RFX3: variants seen among roughly 807,000 people sequenced by gnomAD.
RFX3 encodes the protein transcription factor RFX3.
Under a neutral mutation model 98.6 loss-of-function variants are expected in RFX3, and 14 were observed. The ratio of observed to expected loss-of-function variants is 0.14; its 90% CI spans 0.09 to 0.22. The LOEUF is 0.22. Ranked by LOEUF, RFX3 falls within the 10% of genes least tolerant of loss-of-function variation. RFX3 has a pLI of 1.00. For synonymous variants in RFX3, 383 were observed against 328.4 expected (o/e 1.17, Z -1.80); for missense variants, 639 against 926.9 (o/e 0.69, Z 4.03).
At chr9:3,461,926 C>T (rs1470008241) in intron 1 of RFX3, among the ~76,000 whole-genome samples, 1 of 151,832 alleles carries the variant, frequency 6.6e-6, no homozygotes, top group Non-Finnish European at 1.5e-5. Flanking sequence ...GGAGAACACA[C>T]CCTTTAATAC....
intron 1 of RFX3, among the ~76,000 whole-genome samples, chr9:3,411,717 T>G (rs1842482742): frequency 6.6e-6 from 1 of 151,600 alleles, no homozygotes; most frequent in African/African-American, 2.4e-5. Context: ...TCTAGAACTC[T>G]GGACCTAAAG....
chr9:3,377,418 G>A (rs1017153591), intron 2 of RFX3, among the ~76,000 whole-genome samples: 1 of 152,068 alleles, frequency 6.6e-6, no homozygotes, highest in Non-Finnish European at 1.5e-5. Flanking sequence ...CACAGGAAGG[G>A]GAACATCACA....
intron 1 of RFX3, among the ~76,000 whole-genome samples, chr9:3,512,979 T>G (rs1172420718): frequency 6.6e-6 from 1 of 152,096 alleles, no homozygotes; most frequent in East Asian, 1.9e-4. Context: ...CCTTAAAAAA[T>G]ATGTCCACAT....
At chr9:3,498,672 G>A (rs1252012805) in intron 1 of RFX3, among the ~76,000 whole-genome samples, 1 of 152,028 alleles carries the variant, frequency 6.6e-6, no homozygotes, top group Non-Finnish European at 1.5e-5. Context: ...AATACCACAA[G>A]TCCTGTGCAC....
Position 3,220,361 on chromosome 9 carries a change from CTT to C in RFX3, c.*4679_*4680del, listed in dbSNP as rs1423977191. ...AAAAAAAAGACAAAAAAAAAAGAAA[CTT>C]AACCCTTTCTTTATACCTTTTAAAG... is the stretch of plus-strand genomic sequence containing the variant. On this transcript the variant is annotated 3_prime_UTR_variant, in exon 17 of 17. Coordinates refer to ENST00000617270, the MANE Select transcript of RFX3 (RefSeq NM_001282116.2). 1 of 151,394 alleles carries C rather than the reference CTT, an allele frequency of 6.6e-6. No individual in the cohort carries two copies. The highest frequency in any genetic ancestry group is 1.5e-5 in the Non-Finnish European group (1 of 67,894). 9.4% of individuals were successfully genotyped at this position (151,394 alleles called of 1,614,324 possible).
rs537080754 is a variant in RFX3, at chr9:3,449,124, T to C, written c.-8-53528A>G. Among the ~76,000 whole-genome samples the C allele has an allele frequency of 9.9e-5, 15 of 152,278 alleles. No homozygotes were observed. The South Asian group carries it at 3.1e-3, about 32-fold the overall frequency. ...CCATCTGTCAAATTGTTGCTAATAATACCCTCCCTCAAAGAATAGAGGTAA... is the reference window on the plus strand; with the variant it reads ...CCATCTGTCAAATTGTTGCTAATAACACCCTCCCTCAAAGAATAGAGGTAA... On this transcript the variant is annotated intron_variant, in intron 1 of 16. Coordinates refer to ENST00000617270, the MANE Select transcript of RFX3 (RefSeq NM_001282116.2).
At chr9:3,303,671 G>C (rs147565244) in intron 4 of RFX3, among the ~76,000 whole-genome samples, 136 of 151,720 alleles carry the variant, frequency 9.0e-4, no homozygotes, top group African/African-American at 3.2e-3. Flanking sequence ...TCAGAGATCT[G>C]CTTCTGTTAT....
At chr9:3,422,171 A>G (rs916175395) in intron 1 of RFX3, among the ~76,000 whole-genome samples, 15 of 152,180 alleles carry the variant, frequency 9.9e-5, no homozygotes, top group African/African-American at 3.6e-4. Flanking sequence ...AAAACTCTTC[A>G]GCTAAATCTT....
rs1458496339 is a variant in RFX3, at chr9:3,224,062, T to A, written c.*980A>T. Reference sequence around the variant, plus strand: ...GCATTCTATAAATTCTCGTTTATAATAGCAGCATATTGAACTACTATTAGG... The same window carrying A: ...GCATTCTATAAATTCTCGTTTATAAAAGCAGCATATTGAACTACTATTAGG... On this transcript the variant is annotated 3_prime_UTR_variant, in exon 17 of 17. Coordinates refer to ENST00000617270, the MANE Select transcript of RFX3 (RefSeq NM_001282116.2). The A allele has an allele frequency of 1.3e-5, 2 of 152,152 alleles. No individual in the cohort carries two copies. The highest frequency in any genetic ancestry group is 4.8e-5 in the African/African-American group (2 of 41,432). The allele number at this position is 152,152 out of a possible 1,614,324, so 9.4% of individuals were successfully genotyped here. A position where few individuals can be genotyped will look rare whatever the true frequency, so the allele number is the denominator to read the frequency against.
chr9:3,363,254 A>C (rs970218962), intron 2 of RFX3, among the ~76,000 whole-genome samples: 2 of 152,208 alleles, frequency 1.3e-5, no homozygotes, highest in African/African-American at 2.4e-5. Flanking sequence ...CTTTCTAATA[A>C]TAAATGAAAC....
chr9:3,248,347 C>T (rs75108426), intron 14 of RFX3, among the ~76,000 whole-genome samples, 162 bp from the exon 15 acceptor site: 10,067 of 152,156 alleles, frequency 0.066, 1,104 homozygotes, highest in African/African-American at 0.23. Flanking sequence ...AGTTGCAACT[C>T]ATTTAAATAG....
intron 1 of RFX3, among the ~76,000 whole-genome samples, chr9:3,512,070 C>G (rs552949645): frequency 1.3e-5 from 2 of 152,074 alleles, no homozygotes; most frequent in African/African-American, 4.8e-5. Context: ...AATATATACC[C>G]TTAACATGTA....
chr9:3,229,842 T>C (rs1158663531), intron 15 of RFX3, among the ~76,000 whole-genome samples: 1 of 152,206 alleles, frequency 6.6e-6, no homozygotes, highest in East Asian at 1.9e-4. Context: ...AGTATTTTTT[T>C]CATCTACAAG....
At chr9:3,448,931 T>C (rs1846307530) in intron 1 of RFX3, among the ~76,000 whole-genome samples, 1 of 152,188 alleles carries the variant, frequency 6.6e-6, no homozygotes, top group South Asian at 2.1e-4. Context: ...TACTGATGGG[T>C]GACCTAGGCC....
At chr9:3,282,912 T>A (rs1027550340) in intron 7 of RFX3, among the ~76,000 whole-genome samples, 1 of 151,746 alleles carries the variant, frequency 6.6e-6, no homozygotes, top group African/African-American at 2.4e-5. Flanking sequence ...ACAATATAAT[T>A]GCCAATGAGA....
At chr9:3,348,499 C>T (rs991721114) in intron 2 of RFX3, among the ~76,000 whole-genome samples, 10 of 151,184 alleles carry the variant, frequency 6.6e-5, no homozygotes, top group South Asian at 2.1e-4. Flanking sequence ...TGTAAACTTG[C>T]GGTAGTCTAA....
intron 2 of RFX3, among the ~76,000 whole-genome samples, chr9:3,366,693 C>CCTTTCTTTCTTTTCTTT (rs1837142736): frequency 1.2e-5 from 1 of 85,490 alleles, no homozygotes; most frequent in Non-Finnish European, 2.2e-5. Context: ...TTCTTTCTTT[C>CCTTTCTTTCTTTTCTTT]CTTTCTTTCT....
intron 15 of RFX3, among the ~76,000 whole-genome samples, chr9:3,232,838 G>A (rs1216159346): frequency 6.6e-6 from 1 of 151,596 alleles, no homozygotes; most frequent in Non-Finnish European, 1.5e-5. Flanking sequence ...GGGAGGGGAG[G>A]GAGGGGAAGG....
chr9:3,341,228 G>A (rs1361145311), intron 3 of RFX3, among the ~76,000 whole-genome samples: 1 of 151,954 alleles, frequency 6.6e-6, no homozygotes, highest in African/African-American at 2.4e-5. Context: ...CACAGGAAGG[G>A]GAACATCACA....
Sources: gnomAD v4.1 joint callset for allele counts (sites outside exome capture counted in the v4.1 genomes callset) on GRCh38, gnomAD v4.1.1 for gene constraint, MANE v1.5 for transcripts, NCBI Gene and HGNC (gene_info 2026-07-23, HGNC 2026-07-21) for gene names.